The following ZFYVE28 variants were observed in gnomAD, a reference collection of about 807,000 sequenced individuals.
ZFYVE28 encodes the protein lateral signaling target protein 2 homolog.
A neutral mutation model predicts 82.1 loss-of-function variants in ZFYVE28; 40 were observed. The ratio of observed to expected loss-of-function variants is 0.49; its 90% CI spans 0.38 to 0.63. The LOEUF (loss-of-function observed/expected upper bound fraction) is 0.63. Ranked by LOEUF, ZFYVE28 falls within the 30% of genes least tolerant of loss-of-function variation. The probability of loss-of-function intolerance (pLI) is 0.00; values close to 1 mark genes in which losing one functional copy is unlikely to be tolerated. For missense variants in ZFYVE28, 1,321 were observed against 1,242.1 expected, an observed-to-expected ratio of 1.06 and a Z score of -0.96; for synonymous variants, 612 against 546.1, an observed-to-expected ratio of 1.12 and a Z score of -1.68.
At chr4:2,411,488 C>T (rs1470351895) in intron 1 of ZFYVE28, among the ~76,000 whole-genome samples, 1 of 151,966 alleles carries the variant, frequency 6.6e-6, no homozygotes, top group Non-Finnish European at 1.5e-5. Context: ...GTTTTTTTTG[C>T]AATCCAACTG....
At chr4:2,280,238 G>A (rs1477301050) in intron 8 of ZFYVE28, among the ~76,000 whole-genome samples, 1 of 152,196 alleles carries the variant, frequency 6.6e-6, no homozygotes, top group Non-Finnish European at 1.5e-5. Flanking sequence ...AGGTGTAGTG[G>A]CTCATGCCTG....
intron 1 of ZFYVE28, among the ~76,000 whole-genome samples, chr4:2,382,246 G>GA (rs1327918750): frequency 1.6e-4 from 24 of 152,194 alleles, no homozygotes; most frequent in African/African-American, 5.8e-4. Flanking sequence ...GTCCCTACTG[G>GA]GCACCACCTA....
At chr4:2,380,300 G>A (rs115792453) in intron 1 of ZFYVE28, among the ~76,000 whole-genome samples, 155 of 152,276 alleles carry the variant, frequency 1.0e-3, no homozygotes, top group African/African-American at 3.3e-3. Context: ...CTGTTCCTGC[G>A]TTTTGACTTA....
chr4:2,402,941 G>A (rs370012496), intron 1 of ZFYVE28, among the ~76,000 whole-genome samples: 6 of 152,156 alleles, frequency 3.9e-5, no homozygotes, highest in African/African-American at 1.4e-4. Flanking sequence ...TTCACAGGAC[G>A]TGCCTACCAC....
In ZFYVE28 at chr4:2,372,840, T is replaced by C. The variant is rs754258119; in HGVS notation, c.40-18767A>G. ...CCTCCCCGAGGCCTCTCCCCATGGCTGACTCACTGCAGCCTGGACCCAGTC... is the reference window on the plus strand; with the variant it reads ...CCTCCCCGAGGCCTCTCCCCATGGCCGACTCACTGCAGCCTGGACCCAGTC... On this transcript the variant is annotated intron_variant, in intron 1 of 12. Transcript: ENST00000290974. This position sits in a 1 kb window ranked among gnomAD's most constrained non-coding sequence, Gnocchi z 5.2. Among the ~76,000 whole-genome samples the C allele has an allele frequency of 1.3e-5, 2 of 152,102 alleles. No homozygotes were observed. Among genetic ancestry groups the C allele is most frequent in the Non-Finnish European group, 2.9e-5 (2 of 67,988 alleles).
intron 7 of ZFYVE28, among the ~76,000 whole-genome samples, chr4:2,316,739 C>CTGGAG (rs1264404525): frequency 3.3e-5 from 5 of 151,310 alleles, no homozygotes; most frequent in Non-Finnish European, 5.9e-5. Context: ...GTAGCCCAGG[C>CTGGAG]TGGAGTGGAG....
intron 2 of ZFYVE28, among the ~76,000 whole-genome samples, chr4:2,349,585 A>G (rs571984992): frequency 1.3e-5 from 2 of 152,334 alleles, no homozygotes; most frequent in African/African-American, 4.8e-5. Context: ...CAATGATATA[A>G]CTGAGTGCCT....
In ZFYVE28 at chr4:2,289,266, T is replaced by C. The variant is rs376718183; in HGVS notation, c.2051+15023A>G. On this transcript the variant is annotated intron_variant, in intron 8 of 12. Transcript: ENST00000290974. ...CATTGCACTCCAGCTTGGGTGACAG[T>C]AAGACCCTGCCTCAATAATTAAATT... is the stretch of plus-strand genomic sequence containing the variant. 4.0e-4 allele frequency among the ~76,000 whole-genome samples: 61 copies of C among 152,280 alleles called. No homozygotes were observed. In the South Asian group the frequency reaches 0.012, roughly 29 times the overall value.
chr4:2,413,874 G>A (rs1233313719), intron 1 of ZFYVE28, among the ~76,000 whole-genome samples: 1 of 152,168 alleles, frequency 6.6e-6, no homozygotes, highest in African/African-American at 2.4e-5. Context: ...AGGCCCCAGT[G>A]TCCACCAAGA....
At chr4:2,271,068 A>G in intron 12 of ZFYVE28, 1 of 764,220 alleles carries the variant, frequency 1.3e-6, no homozygotes, top group Non-Finnish European at 2.1e-6. Context: ...TCCTGTTCAC[A>G]CTCGCTGTCC....
intron 6 of ZFYVE28, among the ~76,000 whole-genome samples, chr4:2,333,534 G>A (rs1046446867): frequency 7.9e-5 from 12 of 152,090 alleles, no homozygotes; most frequent in African/African-American, 2.9e-4. Context: ...CTGGGGTGCG[G>A]CCTGCGGGGA....
chr4:2,336,821 TTGAGGAGGTGAGGAG>T (rs1432974778), intron 5 of ZFYVE28, among the ~76,000 whole-genome samples: 11 of 55,082 alleles, frequency 2.0e-4, no homozygotes, highest in East Asian at 1.1e-3. Flanking sequence ...GAGGTGTGGA[TTGAGGAGGTGAGGAG>T]TGAGGAGGTG....
intron 4 of ZFYVE28, 53 bp from the exon 5 acceptor site, chr4:2,337,549 T>A: frequency 7.0e-7 from 1 of 1,434,504 alleles, no homozygotes. Context: ...GCGGGGCCCC[T>A]CCAAAACAGA....
chr4:2,270,610 G>GC lies in ZFYVE28; in HGVS notation c.*114dup. The GC allele has an allele frequency of 6.9e-7, 1 of 1,452,730 alleles. No homozygotes were observed. The highest frequency in any genetic ancestry group is 9.4e-7 in the Non-Finnish European group (1 of 1,064,106). 90.0% of individuals were successfully genotyped at this position (1,452,730 alleles called of 1,614,324 possible). Reference sequence around the variant, plus strand: ...CTCTGGATGCTCTGGAGGTCTGGGTGCCCCTGCAGCAGCGGCAGCGGCCTC... The same window carrying GC: ...CTCTGGATGCTCTGGAGGTCTGGGTGCCCCCTGCAGCAGCGGCAGCGGCCTC... On this transcript the variant is annotated 3_prime_UTR_variant, in exon 13 of 13. Transcript: ENST00000290974.
intron 1 of ZFYVE28, among the ~76,000 whole-genome samples, chr4:2,400,678 G>A (rs549244805): frequency 2.0e-5 from 3 of 152,278 alleles, no homozygotes; most frequent in East Asian, 1.9e-4. Context: ...CCTGGAGGCC[G>A]ATGTTCCAGG....
intron 1 of ZFYVE28, among the ~76,000 whole-genome samples, chr4:2,393,978 C>T (rs540461759): frequency 1.3e-5 from 2 of 152,344 alleles, no homozygotes; most frequent in Admixed American, 6.5e-5. Flanking sequence ...AGCAGGACCG[C>T]GTGCCTTCTG....
chr4:2,309,096 G>A (rs1717131779), intron 7 of ZFYVE28, among the ~76,000 whole-genome samples: 1 of 152,166 alleles, frequency 6.6e-6, no homozygotes, highest in Admixed American at 6.5e-5. Context: ...GTGTTTAGAG[G>A]TGGTGTCTTT....
At position 2,330,890 on chromosome 4, in the gene ZFYVE28, G is replaced by T. The variant is rs546159586; in HGVS notation, c.701+4815C>A. On this transcript the variant is annotated intron_variant, in intron 6 of 12. Transcript: ENST00000290974. ...TGTGGGCACGGTGCAGGCAGATCAC[G>T]GTGGGAGCTCCGGCAAGGGTCTGAG... 4 of 1,534,734 alleles carry T rather than the reference G, an allele frequency of 2.6e-6. 1 individual carries two copies. In the South Asian group the frequency reaches 4.8e-5, roughly 18 times the overall value.
chr4:2,273,538 C>T (rs911696758), intron 9 of ZFYVE28, among the ~76,000 whole-genome samples: 8 of 152,224 alleles, frequency 5.3e-5, no homozygotes, highest in African/African-American at 1.9e-4. Flanking sequence ...AGTCGGTCTG[C>T]CGCTGACATT....
Sources: allele counts gnomAD v4.1 joint callset (sites outside exome capture counted in the v4.1 genomes callset), GRCh38; gene constraint gnomAD v4.1.1; non-coding constraint Gnocchi (gnomAD v3.1); transcripts MANE v1.5; gene names NCBI Gene and HGNC (gene_info 2026-07-23, HGNC 2026-07-21).